The following CCSER1 variants were observed in gnomAD, a reference collection of about 807,000 sequenced individuals.
CCSER1 encodes coiled-coil serine rich protein 1.
A neutral mutation model predicts 82.0 loss-of-function variants in CCSER1; 41 were observed. The ratio of observed to expected loss-of-function variants is 0.50; its 90% CI spans 0.39 to 0.65. CCSER1 has a LOEUF of 0.65. Ranked by LOEUF, CCSER1 falls within the 30% of genes least tolerant of loss-of-function variation. The pLI is 0.00. For missense variants in CCSER1, 1,119 were observed against 1,064.2 expected, an observed-to-expected ratio of 1.05 and a Z score of -0.72; for synonymous variants, 414 against 383.9, an observed-to-expected ratio of 1.08 and a Z score of -0.92.
At chr4:90,303,682 T>A (rs1374171854) in intron 1 of CCSER1, among the ~76,000 whole-genome samples, 1 of 152,124 alleles carries the variant, frequency 6.6e-6, no homozygotes, top group Admixed American at 6.5e-5. Flanking sequence ...ATGTTAGACC[T>A]AATACCATAA....
At chr4:90,683,246 T>G (rs767317287) in intron 6 of CCSER1, 4 of 152,106 alleles carry the variant, frequency 2.6e-5, no homozygotes, top group Non-Finnish European at 4.4e-5. Flanking sequence ...ACTTTAGACA[T>G]AGAGAGAATC....
chr4:90,141,859 A>G (rs1724854991), intron 1 of CCSER1, among the ~76,000 whole-genome samples: 1 of 152,240 alleles, frequency 6.6e-6, no homozygotes, highest in South Asian at 2.1e-4. Context: ...ATGCTTGCCC[A>G]CTGCAGGTCA....
chr4:91,224,228 A>G (rs1168824822), intron 10 of CCSER1, among the ~76,000 whole-genome samples: 1 of 152,050 alleles, frequency 6.6e-6, no homozygotes, highest in Non-Finnish European at 1.5e-5. Flanking sequence ...GCATCGGTCT[A>G]CCTTTATCTA....
chr4:90,664,633 G>A (rs1031811225), intron 6 of CCSER1, among the ~76,000 whole-genome samples: 1 of 152,230 alleles, frequency 6.6e-6, no homozygotes, highest in East Asian at 1.9e-4. Flanking sequence ...AGGCACGGTA[G>A]CTCACGCCTG....
At chr4:90,368,561 G>C (rs1469939026) in intron 3 of CCSER1, among the ~76,000 whole-genome samples, 2 of 151,812 alleles carry the variant, frequency 1.3e-5, no homozygotes, top group Admixed American at 1.3e-4. Flanking sequence ...TGAGCCAGGA[G>C]TTTGAGGCTG....
At position 91,528,761 on chromosome 4, in the gene CCSER1, A is replaced by G. The variant is rs191702950; in HGVS notation, c.2218-69811A>G. Among the ~76,000 whole-genome samples the G allele has an allele frequency of 1.8e-3, 267 of 152,218 alleles. 1 individual carries two copies. Among genetic ancestry groups the G allele is most frequent in the African/African-American group, 6.1e-3 (255 of 41,552 alleles). On this transcript the variant is annotated intron_variant, in intron 10 of 10. Coordinates refer to ENST00000509176, the MANE Select transcript of CCSER1 (RefSeq NM_001145065.2). ...TCTGTGTAAAGTCTGCTTTTTCTTCAGTGCTGTTTACTTTGCTCAGGATTT... is the reference window on the plus strand; with the variant it reads ...TCTGTGTAAAGTCTGCTTTTTCTTCGGTGCTGTTTACTTTGCTCAGGATTT...
intron 10 of CCSER1, among the ~76,000 whole-genome samples, chr4:91,384,321 T>G (rs180745777): frequency 6.6e-6 from 1 of 152,222 alleles, no homozygotes; most frequent in Admixed American, 6.6e-5. Flanking sequence ...AGAAAACTGT[T>G]AAAGTAACTG....
chr4:91,472,356 A>G lies in CCSER1; in HGVS notation c.2218-126216A>G, dbSNP rs148120197. 2.2e-4 allele frequency among the ~76,000 whole-genome samples: 34 copies of G among 152,334 alleles called. No individual in the cohort carries two copies. The East Asian group carries it at 6.0e-3, about 27-fold the overall frequency. The stretch of plus-strand genomic sequence containing the variant: ...ATATTAACATGAATAAAAGGAACTC[A>G]AGAGTCTCAAATGTTCTTACTTGAG... On this transcript the variant is annotated intron_variant, in intron 10 of 10. Coordinates refer to ENST00000509176, the MANE Select transcript of CCSER1 (RefSeq NM_001145065.2).
intron 5 of CCSER1, among the ~76,000 whole-genome samples, chr4:90,503,970 A>T (rs1447903256): frequency 1.3e-5 from 2 of 152,150 alleles, no homozygotes; most frequent in African/African-American, 4.8e-5. Context: ...ACCACACATG[A>T]TCCTTTCTCA....
chr4:90,141,289 T>G (rs1395880231), intron 1 of CCSER1, among the ~76,000 whole-genome samples: 1 of 152,184 alleles, frequency 6.6e-6, no homozygotes, highest in Non-Finnish European at 1.5e-5. Context: ...CTTAAATGAT[T>G]GTACATATTA....
chr4:90,251,285 T>C (rs1722331038), intron 1 of CCSER1, among the ~76,000 whole-genome samples: 1 of 151,970 alleles, frequency 6.6e-6, no homozygotes, highest in Non-Finnish European at 1.5e-5. Flanking sequence ...AATATGATGA[T>C]ATTGAACAGT....
intron 1 of CCSER1, among the ~76,000 whole-genome samples, chr4:90,292,079 G>A (rs1289410000): frequency 6.6e-6 from 1 of 151,842 alleles, no homozygotes; most frequent in Non-Finnish European, 1.5e-5. Context: ...AAGTAAAAGA[G>A]GAAGGCAAAC....
At chr4:91,274,731 T>G (rs1742285031) in intron 10 of CCSER1, among the ~76,000 whole-genome samples, 1 of 152,228 alleles carries the variant, frequency 6.6e-6, no homozygotes, top group Admixed American at 6.5e-5. Flanking sequence ...TGACCATTAA[T>G]GGACACTGAG....
At chr4:90,437,251 A>G (rs1038052784) in intron 4 of CCSER1, among the ~76,000 whole-genome samples, 3 of 151,966 alleles carry the variant, frequency 2.0e-5, no homozygotes, top group African/African-American at 4.8e-5. Context: ...ACATGCACAC[A>G]TACGCACACA....
At chr4:90,623,251 G>A in intron 5 of CCSER1, among the ~76,000 whole-genome samples, 1 of 151,850 alleles carries the variant, frequency 6.6e-6, no homozygotes, top group East Asian at 1.9e-4. Context: ...AACCTGGATG[G>A]TCTCGATCTC....
At chr4:90,688,317 A>G (rs146911188) in intron 6 of CCSER1, among the ~76,000 whole-genome samples, 2 of 152,196 alleles carry the variant, frequency 1.3e-5, no homozygotes, top group Non-Finnish European at 2.9e-5. Flanking sequence ...GTGCACGTGC[A>G]TGTGTGTGTG....
intron 10 of CCSER1, among the ~76,000 whole-genome samples, chr4:91,269,147 A>G (rs1043060510): frequency 5.3e-5 from 8 of 152,206 alleles, no homozygotes; most frequent in African/African-American, 1.4e-4. Context: ...TATGTCAACC[A>G]AAGCAACAGA....
Position 90,137,045 on chromosome 4 carries a change from T to C in CCSER1, c.-42+9214T>C, listed in dbSNP as rs539941737. ...AAAGGAATGTTACCTAGTGCACAGATAGCTCAAGAATAATTATTGACTTTT... is the reference window on the plus strand; with the variant it reads ...AAAGGAATGTTACCTAGTGCACAGACAGCTCAAGAATAATTATTGACTTTT... On this transcript the variant is annotated intron_variant, in intron 1 of 10. Transcript: ENST00000509176. Among the ~76,000 whole-genome samples, 18 of 152,322 alleles carry C rather than the reference T, an allele frequency of 1.2e-4. No individual in the cohort carries two copies. The East Asian group carries it at 3.3e-3, about 28-fold the overall frequency.
At chr4:90,543,760 T>C (rs1459381632) in intron 5 of CCSER1, among the ~76,000 whole-genome samples, 1 of 152,198 alleles carries the variant, frequency 6.6e-6, no homozygotes, top group Non-Finnish European at 1.5e-5. Flanking sequence ...CAGTATCATA[T>C]GTAACTTGAA....
Sources: gnomAD v4.1 joint callset for allele counts (sites outside exome capture counted in the v4.1 genomes callset) on GRCh38, gnomAD v4.1.1 for gene constraint, MANE v1.5 for transcripts, NCBI Gene and HGNC (gene_info 2026-07-23, HGNC 2026-07-21) for gene names.